SGCD: variants seen among roughly 807,000 people sequenced by gnomAD.
SGCD encodes delta-sarcoglycan.
SGCD carries 18 observed loss-of-function variants against 36.6 expected under a neutral mutation model. The observed-to-expected ratio is 0.49, with a 90% CI of 0.34 to 0.73. The LOEUF is 0.73. SGCD is among the 30% of genes least tolerant of loss of function. The pLI, the probability that SGCD is intolerant of heterozygous loss-of-function variation, is 0.01. For synonymous variants in SGCD, 133 were observed against 130.6 expected, an observed-to-expected ratio of 1.02 and a Z score of -0.12; for missense variants, 387 against 346.7, an observed-to-expected ratio of 1.12 and a Z score of -0.92.
intron 1 of SGCD, among the ~76,000 whole-genome samples, chr5:155,979,873 C>T (rs1312823971): frequency 2.0e-5 from 3 of 152,176 alleles, no homozygotes; most frequent in African/African-American, 7.2e-5. Flanking sequence ...ATGTTCTGAA[C>T]TTAATGCATA....
chr5:156,597,854 C>T (rs1760994663), intron 6 of SGCD, among the ~76,000 whole-genome samples: 2 of 152,124 alleles, frequency 1.3e-5, no homozygotes, highest in Admixed American at 6.5e-5. Flanking sequence ...GGGTAGACAC[C>T]ATTTTTATCA....
intron 7 of SGCD, among the ~76,000 whole-genome samples, chr5:156,757,090 G>T (rs1174092008): frequency 6.6e-6 from 1 of 151,786 alleles, no homozygotes; most frequent in Non-Finnish European, 1.5e-5. Flanking sequence ...CTTACCCATG[G>T]TCATTTAGTG....
intron 1 of SGCD, among the ~76,000 whole-genome samples, chr5:155,906,792 TTGATGCAGAAGCTGCAGCAAATGC>T (rs1243104740): frequency 7.2e-5 from 11 of 151,866 alleles, no homozygotes; most frequent in East Asian, 1.9e-4. Context: ...GCAGCAAATG[TTGATGCAGAAGCTGCAGCAAATGC>T]TGATGCAGAA....
intron 1 of SGCD, among the ~76,000 whole-genome samples, chr5:156,083,324 C>T (rs772237874): frequency 3.5e-5 from 5 of 142,946 alleles, no homozygotes; most frequent in African/African-American, 7.9e-5. Flanking sequence ...TTTGGAGTTT[C>T]GCTCTTGTTG....
At chr5:155,919,315 T>A (rs1756823821) in intron 1 of SGCD, among the ~76,000 whole-genome samples, 1 of 152,222 alleles carries the variant, frequency 6.6e-6, no homozygotes, top group African/African-American at 2.4e-5. Flanking sequence ...TTTTTCCACT[T>A]ATTGGCCTGT....
At chr5:156,682,011 T>G (rs985663139) in intron 7 of SGCD, among the ~76,000 whole-genome samples, 1 of 152,230 alleles carries the variant, frequency 6.6e-6, no homozygotes, top group African/African-American at 2.4e-5. Context: ...TAAAATAACA[T>G]GTTCTCAGCC....
intron 2 of SGCD, among the ~76,000 whole-genome samples, chr5:156,331,010 G>A (rs1259826966): frequency 1.3e-5 from 2 of 152,174 alleles, no homozygotes; most frequent in Non-Finnish European, 2.9e-5. Flanking sequence ...TTTGCACACA[G>A]TAAGCACTTA....
chr5:155,911,847 C>T (rs1756636272), intron 1 of SGCD, among the ~76,000 whole-genome samples: 1 of 152,034 alleles, frequency 6.6e-6, no homozygotes, highest in Admixed American at 6.6e-5. Flanking sequence ...GGTTATATAC[C>T]TGGTCCATTG....
the SGCD span, among the ~76,000 whole-genome samples, chr5:155,759,120 G>T: frequency 1.3e-5 from 2 of 152,028 alleles, no homozygotes; most frequent in African/African-American, 4.8e-5. Context: ...AGGATTACAG[G>T]CATGAGCCAC....
At chr5:155,801,963 C>A in the SGCD span, among the ~76,000 whole-genome samples, 1 of 152,164 alleles carries the variant, frequency 6.6e-6, no homozygotes, top group Non-Finnish European at 1.5e-5. Context: ...TTCCTTTCCC[C>A]ACCATCTTAT....
chr5:156,544,981 TG>T (rs1281787966), intron 4 of SGCD, among the ~76,000 whole-genome samples: 1 of 152,220 alleles, frequency 6.6e-6, no homozygotes, highest in Non-Finnish European at 1.5e-5. Flanking sequence ...CTTCAAATGT[TG>T]GCTAATCCTC....
At chr5:155,833,066 A>AAAG in the SGCD span, among the ~76,000 whole-genome samples, 6 of 136,592 alleles carry the variant, frequency 4.4e-5, no homozygotes, top group African/African-American at 1.3e-4. Context: ...AAAAAAAAAA[A>AAAG]AAAAAGAAAA....
chr5:156,326,431 C>T (rs1182600982), upstream of SGCD, among the ~76,000 whole-genome samples: 2 of 152,178 alleles, frequency 1.3e-5, no homozygotes, highest in African/African-American at 4.8e-5. Flanking sequence ...AGCACTGTTG[C>T]AGAACAGAGA....
chr5:156,406,805 TATATATATATATATACACACACAC>T (rs1417837881), intron 3 of SGCD, among the ~76,000 whole-genome samples: 15 of 84,152 alleles, frequency 1.8e-4, no homozygotes, highest in African/African-American at 1.0e-3. Context: ...TATATATATA[TATATATATATATATACACACACAC>T]ACACACACAC....
intron 6 of SGCD, among the ~76,000 whole-genome samples, chr5:156,629,997 GATTACAGGC>G (rs1235824212): frequency 2.0e-5 from 3 of 151,836 alleles, no homozygotes; most frequent in Non-Finnish European, 2.9e-5. Context: ...CAGTAGCTGG[GATTACAGGC>G]ATGTGCCACC....
intron 3 of SGCD, among the ~76,000 whole-genome samples, chr5:156,128,294 G>A (rs781112052): frequency 1.1e-4 from 16 of 152,138 alleles, no homozygotes; most frequent in Non-Finnish European, 1.9e-4. Context: ...GTAGAATTGT[G>A]TAATGTTCCA....
At chr5:155,856,665 C>T in the SGCD span, among the ~76,000 whole-genome samples, 1 of 151,606 alleles carries the variant, frequency 6.6e-6, no homozygotes, top group Admixed American at 6.6e-5. Flanking sequence ...AAACAAAACA[C>T]TTGGAATTTA....
At chr5:155,806,359 T>C in the SGCD span, among the ~76,000 whole-genome samples, 45 of 152,302 alleles carry the variant, frequency 3.0e-4, 1 homozygote, top group Admixed American at 2.5e-3. Context: ...TTCACCATTT[T>C]GGCCAGGCTG....
At position 156,508,694 on chromosome 5, in the gene SGCD, T is replaced by G; in HGVS notation, c.286T>G (p.Ser96Ala). The change falls in exon 4 of 9, where the codon TCC (serine) becomes GCC (alanine). Residue 96 changes from serine (S) to alanine (A), a missense_variant. Coordinates refer to ENST00000337851, the MANE Select transcript of SGCD (RefSeq NM_000337.6). Reference sequence around the variant, plus strand: ...ACCTCTCTACGCCAAAGAAATCCAGTCCCGACCAGTAAGTTTCTGCTGAGA... The same window carrying G: ...ACCTCTCTACGCCAAAGAAATCCAGGCCCGACCAGTAAGTTTCTGCTGAGA... ...LQPLYAKEIQ[S>A]RPGNALYFKS... The G allele has an allele frequency of 1.3e-6, 2 of 1,579,820 alleles. No individual in the cohort carries two copies. The highest frequency in any genetic ancestry group is 2.3e-5 in the South Asian group (2 of 87,612).
Sources: allele counts gnomAD v4.1 joint callset (sites outside exome capture counted in the v4.1 genomes callset), GRCh38; gene constraint gnomAD v4.1.1; transcripts MANE v1.5; gene names NCBI Gene and HGNC (gene_info 2026-07-23, HGNC 2026-07-21).